The following PLCG2 variants were observed in gnomAD, a reference collection of about 807,000 sequenced individuals.
PLCG2 encodes phospholipase C gamma 2, also known as 1-phosphatidylinositol 4,5-bisphosphate phosphodiesterase gamma-2.
Under a neutral mutation model 175.6 loss-of-function variants are expected in PLCG2, and 69 were observed. That is an observed-to-expected ratio of 0.39 (90% CI 0.32 to 0.48). The LOEUF (loss-of-function observed/expected upper bound fraction) is 0.48, where lower values mean the gene tolerates loss of function less well. Ranked by LOEUF, PLCG2 falls within the 20% of genes least tolerant of loss-of-function variation. The probability of loss-of-function intolerance (pLI) is 0.91; values close to 1 mark genes in which losing one functional copy is unlikely to be tolerated. For missense variants in PLCG2, 1,798 were observed against 1,650.9 expected, an observed-to-expected ratio of 1.09 and a Z score of -1.54; for synonymous variants, 827 against 624.0, an observed-to-expected ratio of 1.33 and a Z score of -4.85.
intron 16 of PLCG2, among the ~76,000 whole-genome samples, chr16:81,908,179 CA>C (rs1909460472): frequency 6.6e-6 from 1 of 152,198 alleles, no homozygotes. Flanking sequence ...GGGAACCGTT[CA>C]CTGCATGTCT....
chr16:81,928,811 T>G (rs1910384824), intron 24 of PLCG2, 187 bp downstream of exon 24: 1 of 544,422 alleles, frequency 1.8e-6, no homozygotes, highest in African/African-American at 1.9e-5. Flanking sequence ...GCTATTAATC[T>G]CTACTAAAAC....
At chr16:81,872,782 C>G (rs1352472335) in intron 7 of PLCG2, among the ~76,000 whole-genome samples, 7 of 152,256 alleles carry the variant, frequency 4.6e-5, no homozygotes. Flanking sequence ...GGATGAACCA[C>G]TGACTGCTCC....
chr16:81,803,975 C>G (rs1174731053), intron 2 of PLCG2, among the ~76,000 whole-genome samples: 2 of 152,208 alleles, frequency 1.3e-5, no homozygotes, highest in African/African-American at 4.8e-5. Flanking sequence ...GCCACCGTGC[C>G]TGGACTCTTT....
chr16:81,829,150 C>A (rs1160558234), intron 2 of PLCG2, among the ~76,000 whole-genome samples: 2 of 152,072 alleles, frequency 1.3e-5, no homozygotes, highest in Admixed American at 1.3e-4. Context: ...GCTCTGTCAC[C>A]CAGGCTGGAG....
chr16:81,858,269 C>T lies in PLCG2; in HGVS notation c.344C>T (p.Ser115Phe). ...TTCCCTTTCTCCACTCCAGCTGACT[C>T]TAAAGAGGATGCAGTTAACTGGCTC... ...VLSTLSLAAD[S>F]KEDAVNWLSG... Residue 115 changes from serine to phenylalanine, a missense_variant, in exon 4 of 33, where the codon TCT becomes TTT. Coordinates refer to ENST00000564138, the MANE Select transcript of PLCG2 (RefSeq NM_002661.5). The T allele has an allele frequency of 6.2e-7, 1 of 1,611,562 alleles. No homozygotes were observed. The highest frequency in any genetic ancestry group is 8.5e-7 in the Non-Finnish European group (1 of 1,177,612).
At chr16:81,873,645 C>G (rs1307039126) in intron 7 of PLCG2, among the ~76,000 whole-genome samples, 1 of 151,944 alleles carries the variant, frequency 6.6e-6, no homozygotes, top group Admixed American at 6.6e-5. Context: ...AAGATTTGCA[C>G]ATGGCTGGGA....
intron 19 of PLCG2, among the ~76,000 whole-genome samples, chr16:81,917,635 A>G (rs1909897179): frequency 6.6e-6 from 1 of 152,244 alleles, no homozygotes; most frequent in Non-Finnish European, 1.5e-5. Flanking sequence ...TCTGATGATT[A>G]GTGATGCTGA....
At chr16:81,883,495 T>C in intron 9 of PLCG2, 154 bp downstream of exon 9, 1 of 629,926 alleles carries the variant, frequency 1.6e-6, no homozygotes, top group East Asian at 2.7e-5. Context: ...ACGATTGCAG[T>C]CTGCCAGATG....
At chr16:81,951,538 TAAGAAGAACAATGGA>T (rs1911365734) in intron 31 of PLCG2, among the ~76,000 whole-genome samples, 1 of 152,226 alleles carries the variant, frequency 6.6e-6, no homozygotes, top group Admixed American at 6.5e-5. Context: ...TCCACCAAAG[TAAGAAGAACAATGGA>T]AATCCTTCTT....
chr16:81,914,240 C>A (rs74032922), intron 19 of PLCG2, among the ~76,000 whole-genome samples: 3 of 152,368 alleles, frequency 2.0e-5, no homozygotes, highest in African/African-American at 7.2e-5. Flanking sequence ...GGTGAGACAG[C>A]TCTGACACAA....
chr16:81,929,336 C>CCCT (rs2143707453), intron 24 of PLCG2, among the ~76,000 whole-genome samples: 1 of 152,356 alleles, frequency 6.6e-6, no homozygotes, highest in East Asian at 1.9e-4. Flanking sequence ...ACTCAGGTGA[C>CCCT]AGCAGCCCCA....
At chr16:81,790,561 G>T (rs1186029906) in intron 2 of PLCG2, among the ~76,000 whole-genome samples, 1 of 152,198 alleles carries the variant, frequency 6.6e-6, no homozygotes, top group African/African-American at 2.4e-5. Context: ...TTCCTCACGG[G>T]GTTCTGGTTA....
At chr16:81,933,815 G>A (rs1341654289) in intron 25 of PLCG2, among the ~76,000 whole-genome samples, 1 of 152,202 alleles carries the variant, frequency 6.6e-6, no homozygotes, top group East Asian at 1.9e-4. Flanking sequence ...GCCCAACAGG[G>A]TTGCCTGCTT....
chr16:81,875,898 G>T (rs185350481), intron 7 of PLCG2, among the ~76,000 whole-genome samples: 1 of 152,234 alleles, frequency 6.6e-6, no homozygotes, highest in East Asian at 1.9e-4. Context: ...GTTCTGTGAC[G>T]ATGTTTGTGG....
intron 1 of PLCG2, among the ~76,000 whole-genome samples, chr16:81,750,357 T>C (rs934008883): frequency 1.3e-5 from 2 of 149,656 alleles, no homozygotes; most frequent in Non-Finnish European, 2.9e-5. Context: ...GAGGGGAAGA[T>C]TGCAGTGAGC....
At chr16:81,819,145 G>T (rs910116401) in intron 2 of PLCG2, among the ~76,000 whole-genome samples, 15 of 152,040 alleles carry the variant, frequency 9.9e-5, no homozygotes, top group African/African-American at 3.4e-4. Context: ...GTGGGGTTCA[G>T]TGGAGGTTGG....
intron 13 of PLCG2, chr16:81,898,652 C>G (rs2143624036): frequency 6.6e-6 from 1 of 152,210 alleles, no homozygotes; most frequent in Middle Eastern, 3.4e-3. Context: ...ATGCCATGCA[C>G]AAGCCTCAGA....
intron 2 of PLCG2, among the ~76,000 whole-genome samples, chr16:81,818,700 G>T (rs985992162): frequency 1.3e-5 from 2 of 151,938 alleles, no homozygotes; most frequent in Non-Finnish European, 2.9e-5. Flanking sequence ...AGCAGGAAAT[G>T]GCTGAAATAA....
chr16:81,952,299 G>C (rs1259107748), intron 31 of PLCG2, among the ~76,000 whole-genome samples: 2 of 152,040 alleles, frequency 1.3e-5, no homozygotes, highest in African/African-American at 4.8e-5. Flanking sequence ...GAATAAATGT[G>C]TGTGTTTACA....
Sources: allele counts gnomAD v4.1 joint callset (sites outside exome capture counted in the v4.1 genomes callset), GRCh38; gene constraint gnomAD v4.1.1; transcripts MANE v1.5; gene names NCBI Gene and HGNC (gene_info 2026-07-23, HGNC 2026-07-21).